The following IL12RB1 variants were observed in gnomAD, a reference collection of about 807,000 sequenced individuals.
The protein encoded by IL12RB1 is interleukin-12 receptor subunit beta-1.
IL12RB1 carries 64 observed loss-of-function variants against 94.4 expected under a neutral mutation model. The observed-to-expected ratio is 0.68, with a 90% CI of 0.55 to 0.83. The LOEUF is 0.83. Ranked by LOEUF, IL12RB1 falls within the 40% of genes least tolerant of loss-of-function variation. IL12RB1 has a pLI of 0.00. For missense variants in IL12RB1, 814 were observed against 855.6 expected (o/e 0.95, Z 0.61); for synonymous variants, 362 against 355.5 (o/e 1.02, Z -0.21).
intron 6 of IL12RB1, 54 bp from the exon 7 acceptor site, chr19:18,075,922 C>A (rs1052791810): frequency 3.2e-6 from 5 of 1,581,854 alleles, no homozygotes; most frequent in African/African-American, 1.3e-5. Context: ...GGACTTGGCA[C>A]CAGTCACTTA....
At chr19:18,067,901 G>T (rs1436440810) in intron 11 of IL12RB1, among the ~76,000 whole-genome samples, 1 of 151,844 alleles carries the variant, frequency 6.6e-6, no homozygotes, top group Non-Finnish European at 1.5e-5. Context: ...TTGCTATGTT[G>T]CCCAGGCTGT....
intron 9 of IL12RB1, among the ~76,000 whole-genome samples, chr19:18,070,150 C>G (rs1046305152): frequency 6.6e-6 from 1 of 152,156 alleles, no homozygotes; most frequent in Non-Finnish European, 1.5e-5. Context: ...GAACTCCTGA[C>G]CTCCAGTGAT....
intron 14 of IL12RB1, 97 bp from the exon 15 acceptor site, chr19:18,061,294 G>A (rs2034109560): frequency 6.4e-6 from 4 of 628,198 alleles, no homozygotes; most frequent in Non-Finnish European, 1.1e-5. Flanking sequence ...GCAGTGGCGC[G>A]ATCTCGGCTC....
At chr19:18,078,461 T>G (rs973196462) in intron 4 of IL12RB1, among the ~76,000 whole-genome samples, 7 of 151,814 alleles carry the variant, frequency 4.6e-5, no homozygotes, top group Non-Finnish European at 1.0e-4. Context: ...TAATAAAGAT[T>G]TATACACAGG....
At chr19:18,091,667 T>G (rs573126752), upstream of IL12RB1, 22 of 152,284 alleles carry the variant, frequency 1.4e-4, no homozygotes, top group African/African-American at 5.3e-4. Flanking sequence ...CAGGACTTTC[T>G]AATGCCTCTG....
At chr19:18,098,207 T>C (rs1466707187) in intron 1 of IL12RB1, among the ~76,000 whole-genome samples, 1 of 152,168 alleles carries the variant, frequency 6.6e-6, no homozygotes, top group Admixed American at 6.5e-5. Flanking sequence ...TGAGTTCATA[T>C]GTATTAATAC....
At chr19:18,064,082 C>T in intron 12 of IL12RB1, 72 bp from the exon 13 acceptor site, 1 of 1,051,802 alleles carries the variant, frequency 9.5e-7, no homozygotes, top group Non-Finnish European at 1.5e-6. Context: ...GCTACCACAG[C>T]CTGTGGGTGG....
chr19:18,090,972 A>G, upstream of IL12RB1, among the ~76,000 whole-genome samples: 1 of 152,050 alleles, frequency 6.6e-6, no homozygotes, highest in East Asian at 1.9e-4. Flanking sequence ...CAGAGGCAAA[A>G]GTCCAGAGGA....
chr19:18,083,968 T>G (rs1456940362), intron 1 of IL12RB1, among the ~76,000 whole-genome samples: 1 of 123,336 alleles, frequency 8.1e-6, no homozygotes, highest in Non-Finnish European at 1.6e-5. Flanking sequence ...TCCATCCATG[T>G]ATTCATCCAT....
intron 1 of IL12RB1, among the ~76,000 whole-genome samples, chr19:18,095,661 G>T (rs2036854807): frequency 6.6e-6 from 1 of 152,178 alleles, no homozygotes; most frequent in African/African-American, 2.4e-5. Flanking sequence ...CACTTTAAAA[G>T]CGTGAATTTT....
chr19:18,087,709 AG>A (rs1251972666), upstream of IL12RB1, among the ~76,000 whole-genome samples: 5 of 149,352 alleles, frequency 3.3e-5, no homozygotes, highest in African/African-American at 1.2e-4. Context: ...TTTTTAAGAG[AG>A]GGGGTTTTGC....
chr19:18,081,497 C>A (rs1318664268), intron 3 of IL12RB1, among the ~76,000 whole-genome samples: 1 of 151,874 alleles, frequency 6.6e-6, no homozygotes, highest in African/African-American at 2.4e-5. Flanking sequence ...CCAGTATCTC[C>A]CAGCAAGGAC....
intron 1 of IL12RB1, among the ~76,000 whole-genome samples, chr19:18,096,051 C>T (rs995052297): frequency 3.3e-5 from 5 of 151,852 alleles, no homozygotes; most frequent in South Asian, 2.1e-4. Flanking sequence ...TGGCGGTACT[C>T]CATCTCTACA....
chr19:18,079,940 T>G (rs546921730), intron 4 of IL12RB1, among the ~76,000 whole-genome samples: 7 of 152,196 alleles, frequency 4.6e-5, no homozygotes, highest in Non-Finnish European at 8.8e-5. Flanking sequence ...GTAAGTGAGA[T>G]CATGAAATGT....
intron 7 of IL12RB1, 28 bp from the exon 8 acceptor site, chr19:18,073,627 G>T: frequency 3.0e-6 from 4 of 1,323,408 alleles, no homozygotes; most frequent in East Asian, 2.3e-5. Flanking sequence ...CCAACTAGAC[G>T]AATTGGAAGG....
intron 12 of IL12RB1, 131 bp from the exon 13 acceptor site, chr19:18,064,141 T>TC (rs1483703436): frequency 1.0e-4 from 48 of 468,410 alleles, no homozygotes; most frequent in African/African-American, 4.9e-4. Flanking sequence ...TTTCTTTCTT[T>TC]TTTTTTTTTT....
At chr19:18,075,463 G>C (rs548325945) in intron 7 of IL12RB1, among the ~76,000 whole-genome samples, 2 of 151,822 alleles carry the variant, frequency 1.3e-5, no homozygotes, top group South Asian at 4.2e-4. Context: ...GTTTCACCAT[G>C]TTGGCCAGGC....
intron 4 of IL12RB1, among the ~76,000 whole-genome samples, chr19:18,079,104 A>ATT (rs562543069): frequency 0.086 from 12,051 of 139,780 alleles, 561 homozygotes; most frequent in South Asian, 0.095. Context: ...AACACTTAAA[A>ATT]TTTTTTTTTT....
intron 5 of IL12RB1, among the ~76,000 whole-genome samples, chr19:18,077,255 G>A (rs769383690): frequency 2.0e-5 from 3 of 152,010 alleles, no homozygotes; most frequent in Non-Finnish European, 2.9e-5. Context: ...CCAGCTACTC[G>A]GGAGGCTGAC....
Sources: allele counts gnomAD v4.1 joint callset (sites outside exome capture counted in the v4.1 genomes callset), GRCh38; gene constraint gnomAD v4.1.1; transcripts MANE v1.5; gene names NCBI Gene and HGNC (gene_info 2026-07-23, HGNC 2026-07-21).